The following USP10 variants were observed in gnomAD, a reference collection of about 807,000 sequenced individuals.
USP10 encodes the protein ubiquitin specific peptidase 10, also known as ubiquitin carboxyl-terminal hydrolase 10.
A neutral mutation model predicts 84.5 loss-of-function variants in USP10; 22 were observed. The observed-to-expected ratio is 0.26, with a 90% confidence interval of 0.19 to 0.37. USP10 has a LOEUF of 0.37. Among genes scored for constraint, USP10 ranks in the 10% least tolerant of loss-of-function variants. USP10 has a pLI of 1.00. For missense variants in USP10, 1,019 were observed against 998.9 expected (o/e 1.02, Z -0.27); for synonymous variants, 454 against 387.6 (o/e 1.17, Z -2.01).
chr16:84,738,101 G>C (rs181455560), intron 2 of USP10, among the ~76,000 whole-genome samples: 6,136 of 152,094 alleles, frequency 0.04, 161 homozygotes, highest in Non-Finnish European at 0.06. Context: ...TCTGCCTTGT[G>C]AAGTGGATGG....
intron 8 of USP10, among the ~76,000 whole-genome samples, chr16:84,762,670 G>A (rs959870784): frequency 1.3e-5 from 2 of 148,820 alleles, no homozygotes; most frequent in African/African-American, 5.0e-5. Context: ...CAGCCTGGGT[G>A]ACGGAATGAG....
Position 84,744,711 on chromosome 16 carries a change from A to G in USP10, c.230A>G (p.Tyr77Cys). 1 of 1,613,666 alleles carries G rather than the reference A, an allele frequency of 6.2e-7. No homozygotes were observed. The highest frequency in any genetic ancestry group is 8.5e-7 in the Non-Finnish European group (1 of 1,179,690). ...GACACTTTGCCGAGAACCCCCAGCTACAGTATTTCAAGCACACTGAACCCT... is the reference window on the plus strand; with the variant it reads ...GACACTTTGCCGAGAACCCCCAGCTGCAGTATTTCAAGCACACTGAACCCT... The part of the protein sequence containing the change: ...PSDTLPRTPS[Y>C]SISSTLNPQA... The change falls in exon 4 of 14, where the codon TAC becomes TGC. Residue 77 changes from tyrosine (Y) to cysteine (C), a missense_variant. Physicochemically the swap from Tyr to Cys is radical, Grantham distance 194 (BLOSUM62 -2). Around this residue, in one of 2 missense-constraint regions of USP10, gnomAD observed 787 missense variants for 708.8 expected, o/e 1.11. Transcript: ENST00000219473.
chr16:84,721,387 C>T (rs1306597381), intron 1 of USP10, among the ~76,000 whole-genome samples: 1 of 152,176 alleles, frequency 6.6e-6, no homozygotes, highest in East Asian at 1.9e-4. Context: ...ACAACTGTGG[C>T]CATTGGTCTT....
Position 84,744,934 on chromosome 16 carries a change from G to A in USP10, c.453G>A (p.Lys151=), listed in dbSNP as rs764116954. The A allele has an allele frequency of 3.7e-6, 6 of 1,611,964 alleles. No individual in the cohort carries two copies. The South Asian group carries it at 4.4e-5, about 12-fold the overall frequency. Residue 151 remains lysine, a synonymous_variant, in exon 4 of 14, where the codon AAG becomes AAA. Transcript: ENST00000219473. ...GTCTTGGACAAAGGGAGCGTAAAAA[G>A]AAGAAAAAGCGGCCACCTGGATATT... ...SGGLGQRERK[K]KKKRPPGYYS...
chr16:84,715,251 C>G (rs1036764933), intron 1 of USP10, among the ~76,000 whole-genome samples: 1 of 152,066 alleles, frequency 6.6e-6, no homozygotes, highest in African/African-American at 2.4e-5. Flanking sequence ...TATCAATAAG[C>G]TGACTTATGT....
intron 1 of USP10, among the ~76,000 whole-genome samples, chr16:84,717,620 A>G (rs1304280419): frequency 1.3e-5 from 2 of 152,166 alleles, no homozygotes; most frequent in Non-Finnish European, 2.9e-5. Flanking sequence ...CTAGGTAGGT[A>G]GGAGGAGGCC....
At chr16:84,756,974 C>G (rs1008099188) in intron 4 of USP10, among the ~76,000 whole-genome samples, 15 of 152,198 alleles carry the variant, frequency 9.9e-5, no homozygotes, top group Non-Finnish European at 2.1e-4. Context: ...GGCTCAACCT[C>G]TTGAGTCAGG....
chr16:84,744,861 G>T lies in USP10; in HGVS notation c.380G>T (p.Ser127Ile), dbSNP rs1459970963. Residue 127 changes from serine to isoleucine, a missense_variant, in exon 4 of 14, where the codon AGT becomes ATT. Physicochemically the swap from Ser to Ile is moderately radical, Grantham distance 142. Coordinates refer to ENST00000219473, the MANE Select transcript of USP10 (RefSeq NM_005153.3). ...YPGSALALDG[S>I]SNVEAEVLEN... ...GGCTCTGCCCTCGCTTTGGATGGAA[G>T]TTCTAATGTGGAGGCGGAAGTTTTG... The T allele has an allele frequency of 6.2e-7, 1 of 1,613,582 alleles. No individual in the cohort carries two copies. Among genetic ancestry groups the T allele is most frequent in the African/African-American group, 1.3e-5 (1 of 74,906 alleles).
chr16:84,745,666 G>A lies in USP10; in HGVS notation c.1185G>A (p.Lys395=), dbSNP rs756096948. The A allele has an allele frequency of 2.4e-5, 38 of 1,608,984 alleles. No individual in the cohort carries two copies. The highest frequency in any genetic ancestry group is 1.6e-4 in the Middle Eastern group (1 of 6,082). Residue 395 remains lysine, a synonymous_variant, in exon 4 of 14, where the codon AAG becomes AAA. Transcript: ENST00000219473. ...VPVSEDPVAI[K]IAELLENVTL... is the part of the protein sequence containing the mutation. Reference sequence around the variant, plus strand: ...TTTCAGAGGATCCTGTAGCCATAAAGATTGCAGGTATAGTTGAAAAGATAC... The same window carrying A: ...TTTCAGAGGATCCTGTAGCCATAAAAATTGCAGGTATAGTTGAAAAGATAC...
intron 1 of USP10, among the ~76,000 whole-genome samples, chr16:84,732,100 T>C (rs1172475524): frequency 6.6e-6 from 1 of 152,246 alleles, no homozygotes; most frequent in Non-Finnish European, 1.5e-5. Flanking sequence ...TGGTAGATGT[T>C]GTCAAAGAGC....
chr16:84,750,072 G>A (rs1221863370), intron 4 of USP10, among the ~76,000 whole-genome samples: 1 of 152,134 alleles, frequency 6.6e-6, no homozygotes, highest in Non-Finnish European at 1.5e-5. Context: ...TGACTGGTCT[G>A]AGAGGAGATG....
At chr16:84,772,731 G>C in intron 12 of USP10, 46 bp downstream of exon 12, 1 of 1,606,254 alleles carries the variant, frequency 6.2e-7, no homozygotes, top group Non-Finnish European at 8.5e-7. Flanking sequence ...ACACACTCCT[G>C]CACATCAGAA....
At chr16:84,706,173 G>T (rs902382519) in intron 1 of USP10, among the ~76,000 whole-genome samples, 1 of 152,052 alleles carries the variant, frequency 6.6e-6, no homozygotes, top group Non-Finnish European at 1.5e-5. Flanking sequence ...GTGAGCCACC[G>T]CGCCTAGCCT....
chr16:84,707,973 G>A (rs1372079243), intron 1 of USP10, among the ~76,000 whole-genome samples: 2 of 152,142 alleles, frequency 1.3e-5, no homozygotes, highest in East Asian at 1.9e-4. Flanking sequence ...ACCTACTTGG[G>A]AGGTTGAGGT....
chr16:84,718,409 G>A (rs1239985474), intron 1 of USP10, among the ~76,000 whole-genome samples: 2 of 152,284 alleles, frequency 1.3e-5, no homozygotes, highest in African/African-American at 2.4e-5. Flanking sequence ...GTGGGCCACT[G>A]TGTTTGGCAG....
intron 1 of USP10, chr16:84,733,221 G>C (rs1909468809): frequency 1.6e-6 from 1 of 606,684 alleles, no homozygotes; most frequent in Non-Finnish European, 3.0e-6. Flanking sequence ...CAGTTTCATA[G>C]TGTTCTTTGA....
intron 1 of USP10, among the ~76,000 whole-genome samples, chr16:84,712,936 G>C (rs541980194): frequency 1.3e-5 from 2 of 152,196 alleles, no homozygotes; most frequent in Non-Finnish European, 2.9e-5. Flanking sequence ...GCTTGGCTGT[G>C]GGGGCTCCGT....
chr16:84,769,785 C>G (rs141190084), intron 11 of USP10, among the ~76,000 whole-genome samples: 174 of 152,096 alleles, frequency 1.1e-3, no homozygotes, highest in African/African-American at 3.9e-3. Flanking sequence ...GTCTGTTTTT[C>G]TCTTTTGCTT....
chr16:84,719,097 A>AGTTGTT (rs753483295), intron 1 of USP10, among the ~76,000 whole-genome samples: 6 of 151,750 alleles, frequency 4.0e-5, no homozygotes, highest in Non-Finnish European at 7.4e-5. Flanking sequence ...CGGCCAGTTT[A>AGTTGTT]GTTGTTGTTG....
Sources: gnomAD v4.1 joint callset for allele counts (sites outside exome capture counted in the v4.1 genomes callset) on GRCh38, gnomAD v4.1.1 for gene constraint, gnomAD v4.1.1 regional missense constraint, MANE v1.5 for transcripts, NCBI Gene and HGNC (gene_info 2026-07-23, HGNC 2026-07-21) for gene names.